PRKCB: variants seen among roughly 807,000 people sequenced by gnomAD.
The protein encoded by PRKCB is protein kinase C beta type.
In PRKCB, 13 loss-of-function variants were observed where a neutral mutation model predicts 81.5. That is an observed-to-expected ratio of 0.16 (90% CI 0.10 to 0.25). The LOEUF (loss-of-function observed/expected upper bound fraction) is 0.25. PRKCB is among the 10% of genes least tolerant of loss of function. The pLI, the probability that PRKCB is intolerant of heterozygous loss-of-function variation, is 1.00. For missense variants in PRKCB, 509 were observed against 875.7 expected, an observed-to-expected ratio of 0.58 and a Z score of 5.29; for synonymous variants, 335 against 321.4, an observed-to-expected ratio of 1.04 and a Z score of -0.45.
At chr16:24,108,342 T>A (rs554292931) in intron 7 of PRKCB, among the ~76,000 whole-genome samples, 52 of 143,858 alleles carry the variant, frequency 3.6e-4, no homozygotes, top group Middle Eastern at 3.6e-3. Flanking sequence ...TATTTTTTTT[T>A]AAATTTATTT....
chr16:23,928,461 G>A (rs923356362), intron 2 of PRKCB, among the ~76,000 whole-genome samples: 5 of 152,082 alleles, frequency 3.3e-5, no homozygotes, highest in Non-Finnish European at 7.4e-5. Context: ...CTTGTGCAAG[G>A]CACTCTGGTA....
chr16:23,896,676 A>G (rs1182208648), intron 2 of PRKCB, among the ~76,000 whole-genome samples: 2 of 152,244 alleles, frequency 1.3e-5, no homozygotes, highest in Non-Finnish European at 2.9e-5. Flanking sequence ...CATTCCAGGC[A>G]GAAGGACTAG....
chr16:23,989,166 C>T (rs893703686), intron 3 of PRKCB, among the ~76,000 whole-genome samples: 2 of 152,066 alleles, frequency 1.3e-5, no homozygotes, highest in African/African-American at 2.4e-5. Context: ...GGGGTTTCAC[C>T]GTGTTAGACA....
chr16:24,058,235 C>T (rs574353987), intron 5 of PRKCB, among the ~76,000 whole-genome samples: 9 of 152,206 alleles, frequency 5.9e-5, no homozygotes, highest in African/African-American at 2.2e-4. Flanking sequence ...GAAACCCCTC[C>T]CAGTCACTCC....
intron 16 of PRKCB, among the ~76,000 whole-genome samples, chr16:24,199,483 T>C (rs1214496500): frequency 6.6e-6 from 1 of 152,162 alleles, no homozygotes; most frequent in Non-Finnish European, 1.5e-5. Flanking sequence ...ATGTTTGCTG[T>C]TAAAACTCCA....
chr16:24,185,256 G>A, intron 14 of PRKCB, 65 bp downstream of exon 14: 2 of 1,462,366 alleles, frequency 1.4e-6, no homozygotes, highest in African/African-American at 2.8e-5. Flanking sequence ...GGTTTCTTTA[G>A]GAGAATGCAT....
intron 3 of PRKCB, among the ~76,000 whole-genome samples, chr16:24,005,809 G>A (rs891234206): frequency 2.0e-5 from 3 of 152,142 alleles, no homozygotes; most frequent in Non-Finnish European, 4.4e-5. Flanking sequence ...CGGTCTCCTT[G>A]GCTCAGTAAA....
rs144238885 is a variant in PRKCB, at chr16:23,894,686, T to A, written c.205+57280T>A. ...CAGAGAATTGTGAGGGAAAAGAATA[T>A]TTTTTTAAGGCAGAAGAAAAATGTA... is the stretch of plus-strand genomic sequence containing the variant. On this transcript the variant is annotated intron_variant, in intron 2 of 16. Transcript: ENST00000643927. Among the ~76,000 whole-genome samples the A allele has an allele frequency of 3.3e-5, 5 of 152,290 alleles. No homozygotes were observed. In the East Asian group the frequency reaches 9.6e-4, roughly 29 times the overall value.
At chr16:24,108,343 A>T (rs6497723) in intron 7 of PRKCB, among the ~76,000 whole-genome samples, 15,363 of 126,284 alleles carry the variant, frequency 0.12, 1,181 homozygotes, top group African/African-American at 0.24. Flanking sequence ...ATTTTTTTTT[A>T]AATTTATTTA....
chr16:23,930,137 A>T (rs1311908105), intron 2 of PRKCB, among the ~76,000 whole-genome samples: 2 of 152,122 alleles, frequency 1.3e-5, no homozygotes, highest in Admixed American at 6.5e-5. Flanking sequence ...CTGGGGGAAG[A>T]TAACACCTTG....
chr16:24,177,486 A>G (rs996996890), intron 12 of PRKCB, among the ~76,000 whole-genome samples: 1 of 152,196 alleles, frequency 6.6e-6, no homozygotes, highest in Admixed American at 6.5e-5. Flanking sequence ...TACTATAAAT[A>G]ATGAAAATGA....
intron 7 of PRKCB, among the ~76,000 whole-genome samples, chr16:24,112,346 T>C (rs908396774): frequency 1.3e-5 from 2 of 152,166 alleles, no homozygotes; most frequent in African/African-American, 2.4e-5. Context: ...CTGAGAAACA[T>C]AGCCAACTCC....
chr16:24,092,942 T>G lies in PRKCB; in HGVS notation c.681T>G (p.Phe227Leu). 1.9e-6 allele frequency: 3 copies of G among 1,613,494 alleles called. No homozygotes were observed. Among genetic ancestry groups the G allele is most frequent in the Non-Finnish European group, 2.5e-6 (3 of 1,179,920 alleles). ...TCAACCCTGAGTGGAATGAGACATT[T>G]AGATTGTAAGTGGAAATGACTGCAG... ...CSLNPEWNETFRFQLKESDKD... is the reference protein window; with the variant it reads ...CSLNPEWNETLRFQLKESDKD... The change falls in exon 6 of 17, where the codon TTT (phenylalanine) becomes TTG (leucine). Residue 227 changes from phenylalanine (F) to leucine (L), a missense_variant. Phe to Leu is a conservative substitution (Grantham distance 22). Around this residue, in one of 6 missense-constraint regions of PRKCB, gnomAD observed 184 missense variants for 362.9 expected, o/e 0.51. Coordinates refer to ENST00000643927, the MANE Select transcript of PRKCB (RefSeq NM_002738.7).
intron 2 of PRKCB, among the ~76,000 whole-genome samples, chr16:23,917,588 A>G (rs1332994613): frequency 1.3e-5 from 2 of 152,252 alleles, no homozygotes; most frequent in African/African-American, 4.8e-5. Context: ...ATTGGCCTCC[A>G]CAGGCCTGAG....
At chr16:24,180,127 T>G (rs1356537869) in intron 12 of PRKCB, among the ~76,000 whole-genome samples, 1 of 152,180 alleles carries the variant, frequency 6.6e-6, no homozygotes, top group Non-Finnish European at 1.5e-5. Flanking sequence ...GTATTTTTAC[T>G]AGAGACGGGG....
chr16:23,955,230 G>GCA lies in PRKCB; in HGVS notation c.206-33257_206-33256dup, dbSNP rs10543098. ...GAGACTGTCTCAAACACACACACATGCACACACACACACACACACACAGCC... is the reference window on the plus strand; with the variant it reads ...GAGACTGTCTCAAACACACACACATGCACACACACACACACACACACACAGCC... On this transcript the variant is annotated intron_variant, in intron 2 of 16. Transcript: ENST00000643927. Among the ~76,000 whole-genome samples, 341 of 149,428 alleles carry GCA rather than the reference G, an allele frequency of 2.3e-3. 2 individuals are homozygous for GCA. The highest frequency in any genetic ancestry group is 7.3e-3 in the African/African-American group (297 of 40,696).
intron 5 of PRKCB, among the ~76,000 whole-genome samples, chr16:24,068,499 A>ACT: frequency 6.6e-6 from 1 of 151,236 alleles, no homozygotes. Context: ...AAAACCACAC[A>ACT]CAGAATATTG....
intron 16 of PRKCB, chr16:24,191,561 A>T (rs1435722773): frequency 5.1e-6 from 1 of 196,254 alleles, no homozygotes; most frequent in Non-Finnish European, 1.0e-5. Flanking sequence ...GTGATAAAGG[A>T]TCTAATTTTG....
intron 2 of PRKCB, among the ~76,000 whole-genome samples, chr16:23,962,652 G>A (rs1307851838): frequency 6.6e-6 from 1 of 152,148 alleles, no homozygotes; most frequent in Non-Finnish European, 1.5e-5. Flanking sequence ...AAGGGCAGGG[G>A]CACATCTGTG....
Sources: gnomAD v4.1 joint callset for allele counts (sites outside exome capture counted in the v4.1 genomes callset) on GRCh38, gnomAD v4.1.1 for gene constraint, gnomAD v4.1.1 regional missense constraint, MANE v1.5 for transcripts, NCBI Gene and HGNC (gene_info 2026-07-23, HGNC 2026-07-21) for gene names.